INSL6: variants seen among roughly 807,000 people sequenced by gnomAD.
The protein encoded by INSL6 is insulin like 6.
In INSL6, 16 loss-of-function variants were observed where a neutral mutation model predicts 9.4. The ratio of observed to expected loss-of-function variants is 1.70; its 90% CI spans 1.15 to 2.59. The LOEUF (loss-of-function observed/expected upper bound fraction) is 2.59, where lower values mean the gene tolerates loss of function less well. Ranked by LOEUF, INSL6 falls within the 30% of genes most tolerant of loss-of-function variation. INSL6 has a pLI of 0.00. For missense variants in INSL6, 391 were observed against 257.3 expected (o/e 1.52, Z -3.56); for synonymous variants, 154 against 96.9 (o/e 1.59, Z -3.46).
the INSL6 span, among the ~76,000 whole-genome samples, chr9:5,035,250 C>A: frequency 2.0e-5 from 3 of 152,108 alleles, no homozygotes; most frequent in Non-Finnish European, 2.9e-5. Flanking sequence ...AATAGTTTAC[C>A]AACCAAAAAA....
At chr9:5,051,656 T>G in the INSL6 span, among the ~76,000 whole-genome samples, 1 of 152,170 alleles carries the variant, frequency 6.6e-6, no homozygotes, top group Non-Finnish European at 1.5e-5. Context: ...AAGAATGGTT[T>G]AAGTTTGAAG....
chr9:5,091,044 A>T, the INSL6 span: 2 of 691,208 alleles, frequency 2.9e-6, no homozygotes, highest in Non-Finnish European at 4.6e-6. Flanking sequence ...CTTACATTTA[A>T]CTTTTTTTTT....
chr9:5,020,673 G>C, the INSL6 span, among the ~76,000 whole-genome samples: 2 of 152,314 alleles, frequency 1.3e-5, no homozygotes, highest in Admixed American at 6.5e-5. Context: ...GCCTGCAATG[G>C]TGGCAGCTGT....
At chr9:5,069,746 G>A in the INSL6 span, among the ~76,000 whole-genome samples, 261 of 152,090 alleles carry the variant, frequency 1.7e-3, no homozygotes, top group Non-Finnish European at 2.7e-3. Flanking sequence ...AAGTAACTAA[G>A]AAGAAATATC....
the INSL6 span, among the ~76,000 whole-genome samples, chr9:5,020,363 G>T: frequency 6.6e-6 from 1 of 152,166 alleles, no homozygotes. Context: ...GGATACGTGG[G>T]AGTGGGGTGC....
the INSL6 span, among the ~76,000 whole-genome samples, chr9:5,104,937 C>T: frequency 6.6e-6 from 1 of 152,160 alleles, no homozygotes; most frequent in Admixed American, 6.5e-5. Flanking sequence ...TTATGACAAA[C>T]TCACAGCCAA....
At chr9:5,158,589 T>A (rs1251851485) in intron 2 of INSL6, among the ~76,000 whole-genome samples, 1 of 151,828 alleles carries the variant, frequency 6.6e-6, no homozygotes, top group Non-Finnish European at 1.5e-5. Flanking sequence ...ATATTTAAAG[T>A]GTTAAAGGAA....
the INSL6 span, among the ~76,000 whole-genome samples, chr9:5,048,596 T>C: frequency 3.3e-5 from 5 of 152,220 alleles, no homozygotes; most frequent in African/African-American, 1.2e-4. Context: ...TCTCCTACCC[T>C]GAATTAATTT....
chr9:5,127,210 T>A (rs892695892), intron 3 of INSL6: 2 of 234,444 alleles, frequency 8.5e-6, no homozygotes, highest in African/African-American at 4.4e-5. Flanking sequence ...TGTGATGTTT[T>A]ACACACATGA....
the INSL6 span, among the ~76,000 whole-genome samples, chr9:5,032,445 CTCA>C: frequency 6.6e-6 from 1 of 152,234 alleles, no homozygotes; most frequent in African/African-American, 2.4e-5. Flanking sequence ...GACAGACTGC[CTCA>C]TCAAGTGGGT....
At chr9:5,087,491 C>G in the INSL6 span, among the ~76,000 whole-genome samples, 2 of 58,490 alleles carry the variant, frequency 3.4e-5, no homozygotes, top group Non-Finnish European at 5.8e-5. Context: ...TACTTGATTT[C>G]TTTCCTGGTC....
chr9:5,017,052 A>G, the INSL6 span, among the ~76,000 whole-genome samples: 1 of 152,258 alleles, frequency 6.6e-6, no homozygotes, highest in African/African-American at 2.4e-5. Flanking sequence ...TGCTAATGCA[A>G]ACAAGTTTTA....
At chr9:5,173,140 G>C (rs896877595) in intron 1 of INSL6, among the ~76,000 whole-genome samples, 3 of 152,152 alleles carry the variant, frequency 2.0e-5, no homozygotes, top group African/African-American at 7.2e-5. Context: ...AGGTTGCAGA[G>C]AAATAGGAAC....
chr9:5,036,202 A>G, the INSL6 span, among the ~76,000 whole-genome samples: 1 of 152,180 alleles, frequency 6.6e-6, no homozygotes, highest in African/African-American at 2.4e-5. Context: ...GAGAACTACA[A>G]ACCACTGCTC....
At chr9:5,104,465 G>A in the INSL6 span, among the ~76,000 whole-genome samples, 36 of 152,234 alleles carry the variant, frequency 2.4e-4, 1 homozygote, top group South Asian at 6.9e-3. Context: ...ACTCACAGCC[G>A]AATTCTCCTA....
At chr9:5,119,703 T>G (rs1176056502), downstream of INSL6, among the ~76,000 whole-genome samples, 1 of 152,180 alleles carries the variant, frequency 6.6e-6, no homozygotes, top group Non-Finnish European at 1.5e-5. Context: ...AGGTATGAAG[T>G]GAATTCTGAC....
At chr9:5,169,069 G>A (rs371887651) in intron 1 of INSL6, among the ~76,000 whole-genome samples, 14 of 152,172 alleles carry the variant, frequency 9.2e-5, no homozygotes, top group Middle Eastern at 3.4e-3. Context: ...TGGGATTAGA[G>A]GCATGCGCCA....
chr9:5,066,729 G>A, the INSL6 span: 41 of 1,607,728 alleles, frequency 2.6e-5, no homozygotes, highest in Admixed American at 3.4e-5. Context: ...AGACTGGACT[G>A]TATGTACTTC....
the INSL6 span, among the ~76,000 whole-genome samples, chr9:5,102,561 G>A: frequency 6.6e-6 from 1 of 152,056 alleles, no homozygotes; most frequent in Admixed American, 6.6e-5. Flanking sequence ...GATACTCCTC[G>A]AGAAGAGCAA....
Sources: allele counts gnomAD v4.1 joint callset (sites outside exome capture counted in the v4.1 genomes callset), GRCh38; gene constraint gnomAD v4.1.1; transcripts MANE v1.5; gene names NCBI Gene and HGNC (gene_info 2026-07-23, HGNC 2026-07-21).